Variants in DLEC1 observed in about 807,000 individuals in gnomAD.
DLEC1 encodes deleted in lung and esophageal cancer protein 1.
In DLEC1, 146 loss-of-function variants were observed where a neutral mutation model predicts 198.1. The ratio of observed to expected loss-of-function variants is 0.74; its 90% CI spans 0.64 to 0.85. DLEC1 has a LOEUF of 0.85. Among genes scored for constraint, DLEC1 ranks in the 40% least tolerant of loss-of-function variants. The pLI, the probability that DLEC1 is intolerant of heterozygous loss-of-function variation, is 0.00. For synonymous variants in DLEC1, 897 were observed against 866.8 expected (o/e 1.03, Z -0.61); for missense variants, 2,233 against 2,220.0 (o/e 1.01, Z -0.12).
At chr3:38,062,528 C>G in intron 4 of DLEC1, 53 bp from the exon 5 acceptor site, 1 of 1,603,890 alleles carries the variant, frequency 6.2e-7, no homozygotes, top group East Asian at 2.2e-5. Flanking sequence ...AAGATGTCAA[C>G]AAGCACAATC....
chr3:38,048,878 C>T (rs1700990841), intron 2 of DLEC1, among the ~76,000 whole-genome samples: 1 of 152,222 alleles, frequency 6.6e-6, no homozygotes. Context: ...CCCTCCACCA[C>T]AGCACAGTGT....
chr3:38,109,710 C>T, intron 22 of DLEC1, 148 bp downstream of exon 22: 1 of 1,338,082 alleles, frequency 7.5e-7, no homozygotes. Flanking sequence ...CGGCCACTCA[C>T]CACTCCTGTG....
chr3:38,092,801 C>T lies in DLEC1; in HGVS notation c.1677C>T (p.Ser559=). The T allele has an allele frequency of 6.2e-7, 1 of 1,614,006 alleles. No individual in the cohort carries two copies. The highest frequency in any genetic ancestry group is 1.7e-5 in the Admixed American group (1 of 60,002). The part of the protein sequence containing the change: ...GHAILVEVLF[S]PKSLGKAEQT... Reference sequence around the variant, plus strand: ...CTTCTCTCCCCCAGGTCTTGTTTTCCCCAAAGAGCCTAGGAAAGGCAGAGC... The same window carrying T: ...CTTCTCTCCCCCAGGTCTTGTTTTCTCCAAAGAGCCTAGGAAAGGCAGAGC... Residue 559 remains serine, a synonymous_variant, in exon 11 of 37, where the codon TCC becomes TCT. Transcript: ENST00000308059.
intron 22 of DLEC1, 199 bp from the exon 23 acceptor site, chr3:38,109,900 G>T: frequency 1.4e-6 from 1 of 717,222 alleles, no homozygotes; most frequent in Non-Finnish European, 2.2e-6. Context: ...GGGACGGTTT[G>T]TGCAGAGTTT....
chr3:38,045,531 T>C lies in DLEC1; in HGVS notation c.412-12T>C. ...CACCATATTTCTGTGCATTTGATCA[T>C]CCCCCTGCCAGATTCGGGAGCTCTA... On this transcript the variant is annotated splice_polypyrimidine_tract_variant and intron_variant, in intron 1 of 36. Coordinates refer to ENST00000308059, the MANE Select transcript of DLEC1 (RefSeq NM_007335.4). 6.2e-7 allele frequency: 1 copy of C among 1,610,370 alleles called. No individual in the cohort carries two copies.
At chr3:38,088,524 A>T in intron 10 of DLEC1, 136 bp downstream of exon 10, 1 of 749,084 alleles carries the variant, frequency 1.3e-6, no homozygotes. Context: ...ATATTCTTGC[A>T]TTCTGTAGGG....
At chr3:38,095,749 G>A in intron 13 of DLEC1, 139 bp from the exon 14 acceptor site, 1 of 1,057,056 alleles carries the variant, frequency 9.5e-7, no homozygotes, top group Non-Finnish European at 1.4e-6. Flanking sequence ...GAGGCAGCAG[G>A]GAAGCAACCC....
At chr3:38,076,309 G>A (rs2125645417) in intron 6 of DLEC1, among the ~76,000 whole-genome samples, 1 of 152,304 alleles carries the variant, frequency 6.6e-6, no homozygotes. Context: ...TCCGTGTGAA[G>A]AGACCACCAA....
chr3:38,064,007 C>CTTTT (rs71094947), intron 6 of DLEC1, 88 bp downstream of exon 6: 28 of 451,032 alleles, frequency 6.2e-5, no homozygotes, highest in Non-Finnish European at 7.5e-5. Context: ...TTTTTTTTTT[C>CTTTT]TTTTTTTTTT....
intron 2 of DLEC1, among the ~76,000 whole-genome samples, chr3:38,049,436 G>C (rs927793950): frequency 6.6e-6 from 1 of 152,232 alleles, no homozygotes; most frequent in South Asian, 2.1e-4. Flanking sequence ...ATGTGACAAA[G>C]TGGCAAGCAC....
At chr3:38,060,881 A>G (rs1337591344) in intron 3 of DLEC1, among the ~76,000 whole-genome samples, 1 of 151,968 alleles carries the variant, frequency 6.6e-6, no homozygotes, top group Non-Finnish European at 1.5e-5. Context: ...TTTAGTAGAG[A>G]GGGGGTTTCT....
intron 6 of DLEC1, among the ~76,000 whole-genome samples, chr3:38,070,877 C>CAT (rs1435666957): frequency 1.3e-5 from 2 of 152,140 alleles, no homozygotes; most frequent in Non-Finnish European, 2.9e-5. Context: ...GCCATCTGGG[C>CAT]ATATAGGTGC....
chr3:38,116,938 G>A (rs376908704), intron 29 of DLEC1, 37 bp from the exon 30 acceptor site: 4 of 1,612,466 alleles, frequency 2.5e-6, no homozygotes, highest in African/African-American at 1.3e-5. Context: ...CGGCCAGTGG[G>A]CATGGGACAG....
At position 38,114,465 on chromosome 3, in the gene DLEC1, T is replaced by A. The variant is rs767140679; in HGVS notation, c.3785+5T>A. On this transcript the variant is annotated splice_donor_5th_base_variant and intron_variant, in intron 26 of 36. Coordinates refer to ENST00000308059, the MANE Select transcript of DLEC1 (RefSeq NM_007335.4). ...CCAGAAGGAACCAGCCATGAGGTGC[T>A]CCATGCTCAGCCTGAGCCTCTGCTC... 33 of 1,613,444 alleles carry A rather than the reference T, an allele frequency of 2.0e-5. No individual in the cohort carries two copies. Among genetic ancestry groups the A allele is most frequent in the Non-Finnish European group, 2.7e-5 (32 of 1,179,490 alleles).
Position 38,073,711 on chromosome 3 carries a change from G to C in DLEC1, c.1173+9792G>C, listed in dbSNP as rs113826474. Among the ~76,000 whole-genome samples, 317 of 152,316 alleles carry C rather than the reference G, an allele frequency of 2.1e-3. 4 individuals carry two copies. Among genetic ancestry groups the C allele is most frequent in the African/African-American group, 6.6e-3 (275 of 41,560 alleles). On this transcript the variant is annotated intron_variant, in intron 6 of 36. Coordinates refer to ENST00000308059, the MANE Select transcript of DLEC1 (RefSeq NM_007335.4). ...TGCCCAAGTTGGCACCAGAGTGGGGGAGTTTTCAGGGGTTTTGAAGCTTGG... is the reference window on the plus strand; with the variant it reads ...TGCCCAAGTTGGCACCAGAGTGGGGCAGTTTTCAGGGGTTTTGAAGCTTGG...
intron 6 of DLEC1, among the ~76,000 whole-genome samples, chr3:38,083,338 A>G (rs1369131554): frequency 6.6e-6 from 1 of 151,166 alleles, no homozygotes. Flanking sequence ...GGAAAATTAC[A>G]GTCAAAGGGG....
intron 10 of DLEC1, among the ~76,000 whole-genome samples, chr3:38,092,052 A>G (rs1698770318): frequency 6.6e-6 from 1 of 152,264 alleles, no homozygotes; most frequent in African/African-American, 2.4e-5. Flanking sequence ...ATCATTGCTC[A>G]CTGCATCCTC....
chr3:38,081,282 C>G (rs1434402860), intron 6 of DLEC1, among the ~76,000 whole-genome samples: 1 of 140,556 alleles, frequency 7.1e-6, no homozygotes, highest in Non-Finnish European at 1.5e-5. Flanking sequence ...CCTTTCTATT[C>G]CACAAAGCAG....
At chr3:38,063,733 CT>C (rs1696823853) in intron 5 of DLEC1, 107 bp from the exon 6 acceptor site, 1 of 800,392 alleles carries the variant, frequency 1.2e-6, no homozygotes, top group Non-Finnish European at 2.1e-6. Flanking sequence ...TTGTGAATAT[CT>C]TTGATGGTCT....
Sources: allele counts gnomAD v4.1 joint callset (sites outside exome capture counted in the v4.1 genomes callset), GRCh38; gene constraint gnomAD v4.1.1; transcripts MANE v1.5; gene names NCBI Gene and HGNC (gene_info 2026-07-23, HGNC 2026-07-21).